Variants in USH2A observed in about 807,000 individuals in gnomAD.
The protein encoded by USH2A is Usher syndrome 2A (autosomal recessive, mild).
Under a neutral mutation model 538.9 loss-of-function variants are expected in USH2A, and 443 were observed. The observed-to-expected ratio is 0.82, with a 90% CI of 0.76 to 0.89. USH2A has a LOEUF of 0.89. USH2A is among the 40% of genes least tolerant of loss of function. The pLI is 0.00. For missense variants in USH2A, 6,633 were observed against 6,324.8 expected, an observed-to-expected ratio of 1.05 and a Z score of -1.65; for synonymous variants, 2,413 against 2,273.5, an observed-to-expected ratio of 1.06 and a Z score of -1.75.
intron 21 of USH2A, among the ~76,000 whole-genome samples, chr1:216,160,365 T>C (rs1374489667): frequency 6.6e-6 from 1 of 152,146 alleles, no homozygotes; most frequent in Non-Finnish European, 1.5e-5. Flanking sequence ...TAGATAAAAA[T>C]AATTTTTAAT....
rs532431960 is a variant in USH2A, at chr1:216,390,020, C to G, written c.652-24935G>C. Among the ~76,000 whole-genome samples, 95 of 151,074 alleles carry G rather than the reference C, an allele frequency of 6.3e-4. 1 individual carries two copies. The South Asian group carries it at 0.019, about 31-fold the overall frequency. On this transcript the variant is annotated intron_variant, in intron 3 of 71. Coordinates refer to ENST00000307340, the MANE Select transcript of USH2A (RefSeq NM_206933.4). ...AAAACTGACTGTCAGTTTTAAAAGA[C>G]AGTAAGAAAGAGAAAGTATGCCAGT...
At chr1:216,148,435 C>G (rs568729232) in intron 21 of USH2A, among the ~76,000 whole-genome samples, 1 of 152,224 alleles carries the variant, frequency 6.6e-6, no homozygotes, top group South Asian at 2.1e-4. Flanking sequence ...CCCACCTTAA[C>G]TCACAAGTAT....
At chr1:215,718,359 ATTG>A (rs1381982247) in intron 61 of USH2A, among the ~76,000 whole-genome samples, 2 of 152,166 alleles carry the variant, frequency 1.3e-5, no homozygotes, top group Non-Finnish European at 2.9e-5. Context: ...AAATCACAGT[ATTG>A]TTGTAATATT....
At chr1:216,008,997 C>A (rs1471638301) in intron 32 of USH2A, among the ~76,000 whole-genome samples, 1 of 152,066 alleles carries the variant, frequency 6.6e-6, no homozygotes, top group Non-Finnish European at 1.5e-5. Context: ...CCCTTAGCAG[C>A]AAGTCCCACT....
Position 216,290,060 on chromosome 1 carries a change from C to CA in USH2A, c.1841-651dup, listed in dbSNP as rs564972598. On this transcript the variant is annotated intron_variant, in intron 10 of 71. Coordinates refer to ENST00000307340, the MANE Select transcript of USH2A (RefSeq NM_206933.4). ...TCCCATAGTTTATAATTTATAATTA[C>CA]AAATTTCCTTTGCTATATTATGTAA... is the stretch of plus-strand genomic sequence containing the variant. Among the ~76,000 whole-genome samples the CA allele has an allele frequency of 2.0e-3, 298 of 152,076 alleles. 2 individuals carry two copies. Among genetic ancestry groups the CA allele is most frequent in the Non-Finnish European group, 3.4e-3 (230 of 67,950 alleles).
chr1:215,965,750 A>G (rs1258087651), intron 36 of USH2A, among the ~76,000 whole-genome samples: 1 of 152,116 alleles, frequency 6.6e-6, no homozygotes, highest in Non-Finnish European at 1.5e-5. Context: ...GACTGTGCCT[A>G]TGGCTGTACA....
chr1:215,877,687 G>A, intron 43 of USH2A, 71 bp downstream of exon 43: 1 of 1,602,202 alleles, frequency 6.2e-7, no homozygotes, highest in Non-Finnish European at 8.5e-7. Flanking sequence ...AAGACACTGA[G>A]ATACTTTGAA....
intron 37 of USH2A, among the ~76,000 whole-genome samples, chr1:215,955,868 T>C (rs1032802836): frequency 2.6e-5 from 4 of 152,098 alleles, no homozygotes; most frequent in Middle Eastern, 3.2e-3. Context: ...AAACATATGG[T>C]TTGTAATCCT....
intron 62 of USH2A, 56 bp from the exon 63 acceptor site, chr1:215,675,672 G>GT (rs1658000343): frequency 6.2e-7 from 1 of 1,613,114 alleles, no homozygotes; most frequent in South Asian, 1.1e-5. Flanking sequence ...TCTTTGTGTA[G>GT]TTACTTAGCC....
chr1:216,344,452 T>G lies in USH2A; in HGVS notation c.785-16798A>C, dbSNP rs139445392. Among the ~76,000 whole-genome samples the G allele has an allele frequency of 9.3e-4, 141 of 152,240 alleles. 1 individual carries two copies. Among genetic ancestry groups the G allele is most frequent in the African/African-American group, 3.2e-3 (135 of 41,576 alleles). On this transcript the variant is annotated intron_variant, in intron 4 of 71. Transcript: ENST00000307340. ...TCAAGGTTCAGCTTAAAGCAACATT[T>G]AATATCCTTTACAAGATGGAATTTT...
chr1:215,705,439 T>G (rs1448236105), intron 61 of USH2A, among the ~76,000 whole-genome samples: 1 of 152,176 alleles, frequency 6.6e-6, no homozygotes, highest in Non-Finnish European at 1.5e-5. Flanking sequence ...GTGACGAGAG[T>G]TTGTGCAGGC....
chr1:216,382,481 C>G (rs1240264065), intron 3 of USH2A, among the ~76,000 whole-genome samples: 1 of 152,160 alleles, frequency 6.6e-6, no homozygotes, highest in Non-Finnish European at 1.5e-5. Flanking sequence ...TGAGGCTGAA[C>G]AGTTGTCAGA....
chr1:216,107,686 CT>C (rs34087316), intron 21 of USH2A, among the ~76,000 whole-genome samples: 3,157 of 142,520 alleles, frequency 0.022, 90 homozygotes, highest in African/African-American at 0.076. Context: ...CTTTCTTCTT[CT>C]TTTTTTTTTT....
At chr1:215,835,508 A>G (rs1256457250) in intron 47 of USH2A, among the ~76,000 whole-genome samples, 1 of 152,112 alleles carries the variant, frequency 6.6e-6, no homozygotes, top group African/African-American at 2.4e-5. Context: ...AGTAGCCCTC[A>G]GTTTCTCCAG....
chr1:215,894,837 T>C (rs1665288131), intron 40 of USH2A, among the ~76,000 whole-genome samples: 1 of 152,200 alleles, frequency 6.6e-6, no homozygotes, highest in South Asian at 2.1e-4. Context: ...AGGTCTCATA[T>C]GTCAGTGCTC....
At chr1:215,923,886 A>C (rs1276098610) in intron 38 of USH2A, among the ~76,000 whole-genome samples, 1 of 150,844 alleles carries the variant, frequency 6.6e-6, no homozygotes, top group Non-Finnish European at 1.5e-5. Flanking sequence ...TTTTCATTTT[A>C]CTTCTTCTTT....
intron 5 of USH2A, among the ~76,000 whole-genome samples, chr1:216,327,319 A>G (rs1243997755): frequency 6.6e-6 from 1 of 152,156 alleles, no homozygotes; most frequent in Non-Finnish European, 1.5e-5. Flanking sequence ...TTGTATCCCA[A>G]GTTTTATAAA....
chr1:216,088,399 TC>T (rs1305302964), intron 23 of USH2A, among the ~76,000 whole-genome samples: 1 of 152,176 alleles, frequency 6.6e-6, no homozygotes, highest in African/African-American at 2.4e-5. Flanking sequence ...TTCTCTTTGC[TC>T]CTTGTATCCA....
chr1:216,309,096 G>A lies in USH2A; in HGVS notation c.1644+12787C>T, dbSNP rs76424480. Among the ~76,000 whole-genome samples, 711 of 152,274 alleles carry A rather than the reference G, an allele frequency of 4.7e-3. 9 individuals carry two copies. The highest frequency in any genetic ancestry group is 7.5e-3 in the Non-Finnish European group (510 of 68,020). Reference sequence around the variant, plus strand: ...CATCATGCCTAGTCTGTTTCTAGACGATTGTAAAACCTTCTATGAGACAGG... The same window carrying A: ...CATCATGCCTAGTCTGTTTCTAGACAATTGTAAAACCTTCTATGAGACAGG... On this transcript the variant is annotated intron_variant, in intron 9 of 71. Transcript: ENST00000307340.
Sources: allele counts gnomAD v4.1 joint callset (sites outside exome capture counted in the v4.1 genomes callset), GRCh38; gene constraint gnomAD v4.1.1; transcripts MANE v1.5; gene names NCBI Gene and HGNC (gene_info 2026-07-23, HGNC 2026-07-21).